SGIP1: variants seen among roughly 807,000 people sequenced by gnomAD.
SGIP1 encodes SH3GL interacting endocytic adaptor 1.
In SGIP1, 38 loss-of-function variants were observed where a neutral mutation model predicts 107.5. The ratio of observed to expected loss-of-function variants is 0.35; its 90% CI spans 0.27 to 0.46. The LOEUF is 0.46. Ranked by LOEUF, SGIP1 falls within the 20% of genes least tolerant of loss-of-function variation. SGIP1 has a pLI of 1.00. For synonymous variants in SGIP1, 365 were observed against 366.1 expected (o/e 1.00, Z 0.03); for missense variants, 929 against 1,019.5 (o/e 0.91, Z 1.21).
intron 1 of SGIP1, among the ~76,000 whole-genome samples, chr1:66,537,389 G>A (rs865875114): frequency 7.9e-5 from 12 of 152,204 alleles, no homozygotes; most frequent in Middle Eastern, 3.4e-3. Flanking sequence ...TATGTGGTTA[G>A]GGCAACTATT....
rs144403863 is a variant in SGIP1, at chr1:66,675,937, T to G, written c.647-1067T>G. 3.3e-5 allele frequency among the ~76,000 whole-genome samples: 5 copies of G among 152,332 alleles called. 1 individual carries two copies. In the East Asian group the frequency reaches 5.8e-4, roughly 18 times the overall value. ...GATCTTAGCTCTTCTGCTTTTACCG[T>G]GGACACCTCATTAAACCACTCCTAT... On this transcript the variant is annotated intron_variant, in intron 12 of 24. Coordinates refer to ENST00000371037, the MANE Select transcript of SGIP1 (RefSeq NM_032291.4).
At chr1:66,577,073 A>G (rs910127302) in intron 1 of SGIP1, among the ~76,000 whole-genome samples, 1 of 152,188 alleles carries the variant, frequency 6.6e-6, no homozygotes, top group Admixed American at 6.5e-5. Flanking sequence ...AGTGTCTTGA[A>G]TAACTACCTG....
At chr1:66,727,792 G>T (rs933085856) in intron 19 of SGIP1, among the ~76,000 whole-genome samples, 1 of 152,104 alleles carries the variant, frequency 6.6e-6, no homozygotes, top group East Asian at 1.9e-4. Flanking sequence ...TTACAATTCT[G>T]TTATATGAAA....
intron 19 of SGIP1, 49 bp from the exon 20 acceptor site, chr1:66,729,215 A>G (rs370654771): frequency 2.5e-6 from 4 of 1,601,530 alleles, no homozygotes; most frequent in East Asian, 2.2e-5. Flanking sequence ...GATTCAGTGT[A>G]TTGACATGGA....
intron 1 of SGIP1, among the ~76,000 whole-genome samples, chr1:66,593,253 C>A (rs767394254): frequency 1.3e-5 from 2 of 152,104 alleles, no homozygotes; most frequent in South Asian, 2.1e-4. Flanking sequence ...CTGCTATAAA[C>A]GTCCATGTGC....
intron 1 of SGIP1, among the ~76,000 whole-genome samples, chr1:66,607,458 A>G (rs1052594391): frequency 6.6e-6 from 1 of 152,268 alleles, no homozygotes; most frequent in African/African-American, 2.4e-5. Flanking sequence ...AGGATGCACC[A>G]TAGCGGTGGA....
chr1:66,711,030 C>A (rs556098623), intron 18 of SGIP1, among the ~76,000 whole-genome samples: 1 of 152,028 alleles, frequency 6.6e-6, no homozygotes, highest in Non-Finnish European at 1.5e-5. Context: ...GAAAAATATA[C>A]CCTTCCCAAA....
In SGIP1 at chr1:66,649,374, T is replaced by C. The variant is rs79381514; in HGVS notation, c.459+5655T>C. Among the ~76,000 whole-genome samples, 43 of 152,364 alleles carry C rather than the reference T, an allele frequency of 2.8e-4. No homozygotes were observed. The East Asian group carries it at 6.4e-3, about 23-fold the overall frequency. ...GCCAGCCCTGACCTCAGCCTCTTGC[T>C]AGCAGTACTGCTTAGGTAAGGTACT... On this transcript the variant is annotated intron_variant, in intron 7 of 24. Coordinates refer to ENST00000371037, the MANE Select transcript of SGIP1 (RefSeq NM_032291.4).
chr1:66,550,401 T>G (rs1401541188), intron 1 of SGIP1, among the ~76,000 whole-genome samples: 2 of 152,006 alleles, frequency 1.3e-5, no homozygotes, highest in African/African-American at 4.8e-5. Context: ...TTCTTCCCAT[T>G]CTCTAATTAG....
At chr1:66,719,452 T>C (rs2093414302) in intron 19 of SGIP1, 47 bp downstream of exon 19, 13 of 1,498,024 alleles carry the variant, frequency 8.7e-6, no homozygotes, top group Non-Finnish European at 1.1e-5. Flanking sequence ...TCTGTCCTAT[T>C]GAGTGTGGAA....
intron 1 of SGIP1, among the ~76,000 whole-genome samples, chr1:66,617,891 G>A (rs1411194440): frequency 6.6e-6 from 1 of 152,078 alleles, no homozygotes; most frequent in African/African-American, 2.4e-5. Flanking sequence ...AATAAATTAT[G>A]ATGACTAACA....
chr1:66,653,047 C>T (rs1224729244), intron 7 of SGIP1, among the ~76,000 whole-genome samples: 1 of 152,104 alleles, frequency 6.6e-6, no homozygotes. Context: ...CAGACATTGC[C>T]ACTAAATCCC....
At chr1:66,700,278 G>A (rs912904413) in intron 18 of SGIP1, among the ~76,000 whole-genome samples, 1 of 151,564 alleles carries the variant, frequency 6.6e-6, no homozygotes, top group South Asian at 2.1e-4. Context: ...GGCTGAGGCA[G>A]GAGAACTGTT....
intron 24 of SGIP1, 62 bp downstream of exon 24, chr1:66,741,498 G>C (rs1284343436): frequency 2.8e-6 from 4 of 1,427,032 alleles, no homozygotes; most frequent in African/African-American, 1.5e-5. Context: ...ACTCTTAAGA[G>C]GAATAGGTTG....
intron 20 of SGIP1, 114 bp from the exon 21 acceptor site, chr1:66,733,634 C>A: frequency 1.8e-6 from 2 of 1,111,474 alleles, no homozygotes; most frequent in Middle Eastern, 3.0e-4. Flanking sequence ...ATAATCTCTA[C>A]AAATTGTCAA....
At chr1:66,554,147 T>G (rs760253063) in intron 1 of SGIP1, among the ~76,000 whole-genome samples, 1 of 152,126 alleles carries the variant, frequency 6.6e-6, no homozygotes, top group Non-Finnish European at 1.5e-5. Context: ...AGAATTTTCT[T>G]CTGGTATTTG....
chr1:66,551,790 A>G (rs1041639750), intron 1 of SGIP1, among the ~76,000 whole-genome samples: 1 of 152,172 alleles, frequency 6.6e-6, no homozygotes, highest in African/African-American at 2.4e-5. Flanking sequence ...AAACAATTGC[A>G]TAGATGAACG....
At chr1:66,675,529 T>C (rs1052236404) in intron 12 of SGIP1, among the ~76,000 whole-genome samples, 3 of 100,208 alleles carry the variant, frequency 3.0e-5, no homozygotes, top group African/African-American at 1.4e-4. Context: ...GTTTTTCTTT[T>C]TCTTTTTCTT....
intron 2 of SGIP1, among the ~76,000 whole-genome samples, chr1:66,630,877 A>G (rs1328661256): frequency 6.3e-4 from 37 of 59,122 alleles, no homozygotes; most frequent in African/African-American, 2.9e-3. Flanking sequence ...GAAAGAAAGA[A>G]AGAAAGAAAG....
Sources: gnomAD v4.1 joint callset for allele counts (sites outside exome capture counted in the v4.1 genomes callset) on GRCh38, gnomAD v4.1.1 for gene constraint, MANE v1.5 for transcripts, NCBI Gene and HGNC (gene_info 2026-07-23, HGNC 2026-07-21) for gene names.